ECHDC1: variants seen among roughly 807,000 people sequenced by gnomAD.
ECHDC1 encodes ethylmalonyl-CoA decarboxylase.
Under a neutral mutation model 29.7 loss-of-function variants are expected in ECHDC1, and 29 were observed. The observed-to-expected ratio is 0.98, with a 90% CI of 0.73 to 1.33. ECHDC1 has a LOEUF of 1.33. ECHDC1 is among the 40% of genes most tolerant of loss of function. The pLI, the probability that ECHDC1 is intolerant of heterozygous loss-of-function variation, is 0.00. For synonymous variants in ECHDC1, 126 were observed against 123.1 expected (o/e 1.02, Z -0.15); for missense variants, 328 against 350.0 (o/e 0.94, Z 0.50).
At chr6:127,320,892 A>G (rs1240670466) in intron 3 of ECHDC1, among the ~76,000 whole-genome samples, 1 of 152,062 alleles carries the variant, frequency 6.6e-6, no homozygotes, top group Non-Finnish European at 1.5e-5. Context: ...GATCAGTTAC[A>G]CTTAAAAGAA....
chr6:127,319,155 T>A (rs1178729557), intron 3 of ECHDC1, among the ~76,000 whole-genome samples: 1 of 152,212 alleles, frequency 6.6e-6, no homozygotes, highest in African/African-American at 2.4e-5. Flanking sequence ...GCTAAAAATG[T>A]CTATTAGAAG....
At position 127,312,390 on chromosome 6, in the gene ECHDC1, C is replaced by T. The variant is rs1390963441; in HGVS notation, c.497+2426G>A. Among the ~76,000 whole-genome samples the T allele has an allele frequency of 2.0e-5, 3 of 152,090 alleles. 1 individual carries two copies. Among genetic ancestry groups the T allele is most frequent in the South Asian group, 4.1e-4 (2 of 4,828 alleles). ...ATGAGCTCTCACAATGGTTCCCACCCGTCAAATGGCTAAATCTAAACAGCT... is the reference window on the plus strand; with the variant it reads ...ATGAGCTCTCACAATGGTTCCCACCTGTCAAATGGCTAAATCTAAACAGCT... On this transcript the variant is annotated intron_variant, in intron 5 of 5. Transcript: ENST00000454859.
chr6:127,334,873 C>A (rs1021908896), intron 1 of ECHDC1, among the ~76,000 whole-genome samples: 1 of 151,088 alleles, frequency 6.6e-6, no homozygotes, highest in Non-Finnish European at 1.5e-5. Context: ...ACACATTCCT[C>A]AAATCATTTC....
intron 3 of ECHDC1, among the ~76,000 whole-genome samples, chr6:127,320,756 T>C (rs182852849): frequency 1.1e-3 from 174 of 152,316 alleles, no homozygotes; most frequent in Non-Finnish European, 2.1e-3. Context: ...TTAATGTTTG[T>C]GTTATCCTAG....
At chr6:127,333,443 A>C (rs1784141374) in intron 1 of ECHDC1, among the ~76,000 whole-genome samples, 1 of 152,062 alleles carries the variant, frequency 6.6e-6, no homozygotes, top group Non-Finnish European at 1.5e-5. Context: ...TTTTGGCATG[A>C]CTATAGAGTA....
chr6:127,296,572 T>C (rs1431959772), intron 5 of ECHDC1, among the ~76,000 whole-genome samples: 1 of 152,016 alleles, frequency 6.6e-6, no homozygotes, highest in African/African-American at 2.4e-5. Context: ...GATAATGACA[T>C]TATCCCTAAT....
chr6:127,336,358 T>C (rs1784422929), intron 1 of ECHDC1, among the ~76,000 whole-genome samples: 1 of 152,168 alleles, frequency 6.6e-6, no homozygotes, highest in South Asian at 2.1e-4. Context: ...TGAAATAATG[T>C]TCCTGCAAAT....
intron 5 of ECHDC1, chr6:127,313,386 A>T: frequency 3.5e-6 from 1 of 282,250 alleles, no homozygotes; most frequent in East Asian, 8.6e-5. Flanking sequence ...TATTTTGAGT[A>T]GAGATAGGGT....
intron 3 of ECHDC1, chr6:127,326,649 C>A: frequency 2.6e-6 from 1 of 384,252 alleles, no homozygotes; most frequent in South Asian, 2.4e-5. Context: ...AATAAACAGA[C>A]AAAGTGGGGC....
Position 127,333,816 on chromosome 6 carries a change from C to T in ECHDC1, c.-2-2786G>A, listed in dbSNP as rs557283691. Among the ~76,000 whole-genome samples the T allele has an allele frequency of 2.0e-5, 3 of 152,218 alleles. No individual in the cohort carries two copies. The East Asian group carries it at 5.8e-4, about 29-fold the overall frequency. Reference sequence around the variant, plus strand: ...CTGTACAAATGTATATTCCCACAGGCAGTGAAAGCTCCAGTTGCTCCACAA... The same window carrying T: ...CTGTACAAATGTATATTCCCACAGGTAGTGAAAGCTCCAGTTGCTCCACAA... On this transcript the variant is annotated intron_variant, in intron 1 of 5. Transcript: ENST00000454859.
chr6:127,326,989 A>G lies in ECHDC1; in HGVS notation c.363+13T>C. 3 of 1,611,168 alleles carry G rather than the reference A, an allele frequency of 1.9e-6. No individual in the cohort carries two copies. The highest frequency in any genetic ancestry group is 2.5e-6 in the Non-Finnish European group (3 of 1,178,834). ...ACATGTAGAATCAAATGCATAATTC[A>G]TATAACACTTGCCTCTGGAGTTCCT... On this transcript the variant is annotated intron_variant, in intron 3 of 5. Transcript: ENST00000454859.
chr6:127,321,454 A>G (rs940552188), intron 3 of ECHDC1, among the ~76,000 whole-genome samples: 2 of 152,198 alleles, frequency 1.3e-5, no homozygotes, highest in African/African-American at 4.8e-5. Flanking sequence ...GTTCCTTCTC[A>G]AGTATATAGG....
At chr6:127,310,134 C>CA (rs1219723798) in intron 5 of ECHDC1, among the ~76,000 whole-genome samples, 2 of 151,320 alleles carry the variant, frequency 1.3e-5, no homozygotes, top group East Asian at 1.9e-4. Flanking sequence ...TTAATGGGTA[C>CA]AAAAAAATAG....
intron 5 of ECHDC1, among the ~76,000 whole-genome samples, chr6:127,304,065 G>T (rs1205031052): frequency 6.6e-6 from 1 of 152,176 alleles, no homozygotes. Context: ...GTATCCAGGG[G>T]GTGGTTATGG....
chr6:127,292,008 T>A (rs1454060910), intron 5 of ECHDC1, among the ~76,000 whole-genome samples: 1 of 151,974 alleles, frequency 6.6e-6, no homozygotes, highest in Non-Finnish European at 1.5e-5. Flanking sequence ...TAAAACAATA[T>A]CAAAAGGAAT....
At chr6:127,296,109 T>C (rs1383437224) in intron 5 of ECHDC1, among the ~76,000 whole-genome samples, 1 of 152,218 alleles carries the variant, frequency 6.6e-6, no homozygotes, top group Non-Finnish European at 1.5e-5. Context: ...ATAACCTTGA[T>C]ATATGGAAAG....
intron 5 of ECHDC1, among the ~76,000 whole-genome samples, chr6:127,303,158 T>G (rs189703337): frequency 1.3e-5 from 2 of 152,126 alleles, no homozygotes; most frequent in African/African-American, 4.8e-5. Context: ...AAATTTACTG[T>G]TTTTCATAAG....
intron 5 of ECHDC1, among the ~76,000 whole-genome samples, chr6:127,305,102 C>T (rs1159726181): frequency 1.3e-5 from 2 of 151,990 alleles, no homozygotes; most frequent in Non-Finnish European, 2.9e-5. Flanking sequence ...ACAAAAGTAC[C>T]TCAAAGCATT....
At chr6:127,328,672 T>C (rs1783592880) in intron 2 of ECHDC1, among the ~76,000 whole-genome samples, 2 of 152,200 alleles carry the variant, frequency 1.3e-5, no homozygotes, top group Non-Finnish European at 2.9e-5. Flanking sequence ...CCCATATTTT[T>C]AGTATAAGAA....
Sources: gnomAD v4.1 joint callset for allele counts (sites outside exome capture counted in the v4.1 genomes callset) on GRCh38, gnomAD v4.1.1 for gene constraint, MANE v1.5 for transcripts, NCBI Gene and HGNC (gene_info 2026-07-23, HGNC 2026-07-21) for gene names.